Variants in NUBPL observed in about 807,000 individuals in gnomAD.
NUBPL encodes iron-sulfur cluster transfer protein NUBPL.
Under a neutral mutation model 45.7 loss-of-function variants are expected in NUBPL, and 31 were observed. The observed-to-expected ratio is 0.68, with a 90% CI of 0.51 to 0.92. The LOEUF is 0.92. Ranked by LOEUF, NUBPL falls within the 40% of genes least tolerant of loss-of-function variation. The pLI is 0.00. For missense variants in NUBPL, 401 were observed against 398.7 expected (o/e 1.01, Z -0.05); for synonymous variants, 144 against 140.9 (o/e 1.02, Z -0.15).
At chr14:31,791,705 G>A (rs1237743845) in intron 7 of NUBPL, among the ~76,000 whole-genome samples, 1 of 152,088 alleles carries the variant, frequency 6.6e-6, no homozygotes, top group African/African-American at 2.4e-5. Context: ...CCAGGCTATG[G>A]GGTTTCAAAG....
chr14:31,709,993 A>G (rs2037534899), intron 6 of NUBPL, among the ~76,000 whole-genome samples: 1 of 152,200 alleles, frequency 6.6e-6, no homozygotes, highest in South Asian at 2.1e-4. Flanking sequence ...AAGCTTGGAC[A>G]TAACTTATTT....
intron 6 of NUBPL, among the ~76,000 whole-genome samples, chr14:31,784,817 C>A (rs1423552577): frequency 6.6e-6 from 1 of 152,122 alleles, no homozygotes; most frequent in Non-Finnish European, 1.5e-5. Flanking sequence ...AACAAATCAA[C>A]ATATAATGTC....
chr14:31,857,773 G>A (rs1315588923), intron 10 of NUBPL, among the ~76,000 whole-genome samples: 1 of 152,078 alleles, frequency 6.6e-6, no homozygotes, highest in Non-Finnish European at 1.5e-5. Context: ...TCTTAGCCTG[G>A]ACCTTATTGT....
chr14:31,829,974 G>A (rs1454200270), intron 8 of NUBPL, among the ~76,000 whole-genome samples: 1 of 151,952 alleles, frequency 6.6e-6, no homozygotes, highest in Non-Finnish European at 1.5e-5. Flanking sequence ...TATGTGTTGT[G>A]TCATTCTCAC....
chr14:31,594,951 T>C (rs966507638), intron 3 of NUBPL, among the ~76,000 whole-genome samples: 37 of 152,150 alleles, frequency 2.4e-4, no homozygotes, highest in African/African-American at 8.2e-4. Flanking sequence ...TAGAAATAAT[T>C]GGGTGGGAAC....
At chr14:31,769,609 C>T (rs1264567196) in intron 6 of NUBPL, among the ~76,000 whole-genome samples, 1 of 151,280 alleles carries the variant, frequency 6.6e-6, no homozygotes, top group Non-Finnish European at 1.5e-5. Flanking sequence ...TTAAACATAC[C>T]AAGTAGTTTG....
At chr14:31,825,309 C>G (rs1012182629) in intron 7 of NUBPL, among the ~76,000 whole-genome samples, 1 of 152,170 alleles carries the variant, frequency 6.6e-6, no homozygotes, top group Non-Finnish European at 1.5e-5. Flanking sequence ...ACCATTTTCT[C>G]TCCTAGATTG....
chr14:31,708,352 CA>C (rs2037497650), intron 6 of NUBPL, among the ~76,000 whole-genome samples: 2 of 152,136 alleles, frequency 1.3e-5, no homozygotes, highest in East Asian at 3.9e-4. Context: ...ACTGGGTGGG[CA>C]TTTTTTGCTT....
At chr14:31,689,960 G>T (rs190172937) in intron 6 of NUBPL, among the ~76,000 whole-genome samples, 249 of 150,788 alleles carry the variant, frequency 1.7e-3, no homozygotes, top group African/African-American at 5.4e-3. Context: ...CATTGTTAAA[G>T]ATCAGATGGT....
chr14:31,599,084 G>A (rs778398256), intron 3 of NUBPL, among the ~76,000 whole-genome samples: 5 of 152,088 alleles, frequency 3.3e-5, no homozygotes, highest in Non-Finnish European at 7.4e-5. Context: ...TTAGTAAATC[G>A]TAAAAAGTAT....
At chr14:31,608,564 A>G (rs2034666361) in intron 4 of NUBPL, among the ~76,000 whole-genome samples, 1 of 152,196 alleles carries the variant, frequency 6.6e-6, no homozygotes, top group Non-Finnish European at 1.5e-5. Context: ...AAAAAAAGAA[A>G]CAAAGAAAGA....
chr14:31,808,416 C>T (rs1372794848), intron 7 of NUBPL, among the ~76,000 whole-genome samples: 2 of 151,956 alleles, frequency 1.3e-5, no homozygotes, highest in South Asian at 2.1e-4. Context: ...CGATTTGGCT[C>T]TCTGTCTGTT....
intron 7 of NUBPL, among the ~76,000 whole-genome samples, chr14:31,818,740 G>C (rs1301836041): frequency 1.3e-5 from 2 of 152,114 alleles, no homozygotes; most frequent in Non-Finnish European, 2.9e-5. Context: ...AGTAGAAATG[G>C]GGTTTCACCG....
At chr14:31,815,600 C>T (rs1461517443) in intron 7 of NUBPL, among the ~76,000 whole-genome samples, 2 of 152,096 alleles carry the variant, frequency 1.3e-5, no homozygotes, top group Non-Finnish European at 2.9e-5. Flanking sequence ...GAGAGGTCAT[C>T]CTTGTCTTGT....
chr14:31,781,917 T>C (rs1440074094), intron 6 of NUBPL, among the ~76,000 whole-genome samples: 1 of 152,154 alleles, frequency 6.6e-6, no homozygotes, highest in Non-Finnish European at 1.5e-5. Context: ...TATTATTCTC[T>C]TTTCTTTATA....
intron 4 of NUBPL, among the ~76,000 whole-genome samples, chr14:31,638,258 T>G (rs182349470): frequency 1.5e-3 from 224 of 152,262 alleles, no homozygotes; most frequent in Middle Eastern, 0.014. Context: ...AGTGCTTCCT[T>G]CAGGAGCTCT....
intron 6 of NUBPL, among the ~76,000 whole-genome samples, chr14:31,693,857 C>CTTTTTT (rs36082577): frequency 4.2e-4 from 25 of 59,140 alleles, no homozygotes; most frequent in South Asian, 8.1e-4. Flanking sequence ...CTTTTCTTTT[C>CTTTTTT]TTTTTTTTTT....
intron 4 of NUBPL, among the ~76,000 whole-genome samples, chr14:31,665,875 G>A (rs553098010): frequency 1.3e-5 from 2 of 152,176 alleles, no homozygotes; most frequent in African/African-American, 4.8e-5. Context: ...AAGTCTCTTT[G>A]TAGGTCTCTA....
intron 6 of NUBPL, among the ~76,000 whole-genome samples, chr14:31,757,060 T>C (rs552401600): frequency 2.6e-5 from 4 of 152,148 alleles, no homozygotes; most frequent in African/African-American, 4.8e-5. Context: ...CCCACTTGAT[T>C]ATGGTGAATA....
Sources: gnomAD v4.1 joint callset for allele counts (sites outside exome capture counted in the v4.1 genomes callset) on GRCh38, gnomAD v4.1.1 for gene constraint, MANE v1.5 for transcripts, NCBI Gene and HGNC (gene_info 2026-07-23, HGNC 2026-07-21) for gene names.